Variants in NXPE2 observed in about 807,000 individuals in gnomAD.
NXPE2 encodes neurexophilin and PC-esterase domain family member 2.
NXPE2 carries 34 observed loss-of-function variants against 34.4 expected under a neutral mutation model. The observed-to-expected ratio is 0.99, with a 90% CI of 0.75 to 1.31. The LOEUF is 1.31. Ranked by LOEUF, NXPE2 falls within the 40% of genes most tolerant of loss-of-function variation. The pLI is 0.00. For synonymous variants in NXPE2, 235 were observed against 231.3 expected (o/e 1.02, Z -0.15); for missense variants, 649 against 672.5 (o/e 0.97, Z 0.39).
At chr11:114,691,558 G>C (rs887752569) in intron 2 of NXPE2, among the ~76,000 whole-genome samples, 1 of 146,914 alleles carries the variant, frequency 6.8e-6, no homozygotes. Context: ...ACCTTCAGTG[G>C]TGGTGGAGAC....
At chr11:114,549,712 G>C in the NXPE2 span, among the ~76,000 whole-genome samples, 1 of 152,046 alleles carries the variant, frequency 6.6e-6, no homozygotes, top group South Asian at 2.1e-4. Flanking sequence ...TCAACATTGG[G>C]ATGGAGGTGT....
At chr11:114,493,426 A>T in the NXPE2 span, among the ~76,000 whole-genome samples, 1 of 152,006 alleles carries the variant, frequency 6.6e-6, no homozygotes. Context: ...CTTTTAGTGA[A>T]GGTGATTTTC....
At chr11:114,615,791 A>C in the NXPE2 span, among the ~76,000 whole-genome samples, 1 of 151,034 alleles carries the variant, frequency 6.6e-6, no homozygotes, top group African/African-American at 2.5e-5. Flanking sequence ...ACTGTTACCC[A>C]ATGGATAATA....
the NXPE2 span, among the ~76,000 whole-genome samples, chr11:114,568,352 C>T: frequency 1.0e-3 from 154 of 152,260 alleles, no homozygotes; most frequent in African/African-American, 2.9e-3. Flanking sequence ...TGGAAAGTCA[C>T]TCTATTAATA....
chr11:114,562,988 C>G, the NXPE2 span, among the ~76,000 whole-genome samples: 1 of 152,038 alleles, frequency 6.6e-6, no homozygotes, highest in Non-Finnish European at 1.5e-5. Context: ...CAGAAAAAAA[C>G]CAACAACTCT....
the NXPE2 span, chr11:114,554,145 G>C: frequency 1.0e-6 from 1 of 985,396 alleles, no homozygotes; most frequent in Non-Finnish European, 1.2e-6. Flanking sequence ...AGACAGGATT[G>C]AATCAATGTA....
At chr11:114,500,408 T>C in the NXPE2 span, among the ~76,000 whole-genome samples, 1 of 152,122 alleles carries the variant, frequency 6.6e-6, no homozygotes, top group African/African-American at 2.4e-5. Flanking sequence ...TCATATACTT[T>C]TGTATGATGA....
At chr11:114,734,299 A>G in the NXPE2 span, among the ~76,000 whole-genome samples, 5 of 152,196 alleles carry the variant, frequency 3.3e-5, no homozygotes, top group Non-Finnish European at 7.3e-5. Flanking sequence ...TGGCATAGTA[A>G]ATTCTTATAA....
At chr11:114,648,917 T>A in the NXPE2 span, among the ~76,000 whole-genome samples, 3 of 150,334 alleles carry the variant, frequency 2.0e-5, no homozygotes, top group East Asian at 5.9e-4. Context: ...TCAATACATC[T>A]TATGTTATAT....
At chr11:114,475,658 A>G in the NXPE2 span, among the ~76,000 whole-genome samples, 41 of 152,220 alleles carry the variant, frequency 2.7e-4, no homozygotes, top group South Asian at 3.1e-3. Flanking sequence ...CTGCATATCT[A>G]GAGTCTTTCC....
At chr11:114,781,185 G>T in the NXPE2 span, among the ~76,000 whole-genome samples, 3 of 152,136 alleles carry the variant, frequency 2.0e-5, no homozygotes, top group Admixed American at 2.0e-4. Context: ...TGTGGGGCTT[G>T]GGAGAAATTC....
At chr11:114,547,592 G>A in the NXPE2 span, among the ~76,000 whole-genome samples, 8 of 152,034 alleles carry the variant, frequency 5.3e-5, no homozygotes, top group South Asian at 2.1e-4. Flanking sequence ...AAAATTAGCC[G>A]GGTGTGCTGG....
the NXPE2 span, among the ~76,000 whole-genome samples, chr11:114,647,215 A>G: frequency 6.6e-6 from 1 of 152,206 alleles, no homozygotes; most frequent in South Asian, 2.1e-4. Context: ...CTACATTCGT[A>G]GATTTGGGTA....
the NXPE2 span, among the ~76,000 whole-genome samples, chr11:114,666,312 A>T: frequency 6.6e-6 from 1 of 152,160 alleles, no homozygotes; most frequent in African/African-American, 2.4e-5. Context: ...GCCTGAGGCC[A>T]GTTCCAGGGC....
At chr11:114,550,106 A>C in the NXPE2 span, among the ~76,000 whole-genome samples, 1 of 152,150 alleles carries the variant, frequency 6.6e-6, no homozygotes, top group Non-Finnish European at 1.5e-5. Context: ...TTGGATAGAA[A>C]AACTTAACAT....
At chr11:114,566,534 A>G in the NXPE2 span, among the ~76,000 whole-genome samples, 1 of 152,226 alleles carries the variant, frequency 6.6e-6, no homozygotes, top group South Asian at 2.1e-4. Context: ...GGCCATTAGT[A>G]CCGCTGGCAG....
the NXPE2 span, among the ~76,000 whole-genome samples, chr11:114,736,493 G>T: frequency 0.29 from 44,670 of 152,122 alleles, 6,745 homozygotes; most frequent in East Asian, 0.43. Context: ...CTCACTGGCA[G>T]TCAGAGTTTA....
At chr11:114,472,010 T>G in the NXPE2 span, among the ~76,000 whole-genome samples, 1 of 152,194 alleles carries the variant, frequency 6.6e-6, no homozygotes, top group Non-Finnish European at 1.5e-5. Flanking sequence ...TCCCCTAGTA[T>G]TTAGAGAATT....
the NXPE2 span, among the ~76,000 whole-genome samples, chr11:114,599,413 A>G: frequency 6.6e-6 from 1 of 152,020 alleles, no homozygotes; most frequent in South Asian, 2.1e-4. Context: ...TGGGCCCTCC[A>G]CCCTCTGCCT....
Sources: gnomAD v4.1 joint callset for allele counts (sites outside exome capture counted in the v4.1 genomes callset) on GRCh38, gnomAD v4.1.1 for gene constraint, MANE v1.5 for transcripts, NCBI Gene and HGNC (gene_info 2026-07-23, HGNC 2026-07-21) for gene names.